NCOR2: variants seen among roughly 807,000 people sequenced by gnomAD.
NCOR2 encodes the protein nuclear receptor corepressor 2.
Under a neutral mutation model 262.9 loss-of-function variants are expected in NCOR2, and 81 were observed. That is an observed-to-expected ratio of 0.31 (90% confidence interval 0.26 to 0.37). The LOEUF is 0.37. NCOR2 is among the 10% of genes least tolerant of loss of function. The pLI, the probability that NCOR2 is intolerant of heterozygous loss-of-function variation, is 1.00. For synonymous variants in NCOR2, 1,659 were observed against 1,559.3 expected, an observed-to-expected ratio of 1.06 and a Z score of -1.51; for missense variants, 3,385 against 3,621.4, an observed-to-expected ratio of 0.93 and a Z score of 1.68.
chr12:124,516,306 C>T (rs1202910926), intron 1 of NCOR2, among the ~76,000 whole-genome samples: 1 of 152,186 alleles, frequency 6.6e-6, no homozygotes, highest in Non-Finnish European at 1.5e-5. Flanking sequence ...ACACCAGGCA[C>T]TGTGGGGGGT....
At chr12:124,364,681 T>C (rs1022672455) in intron 20 of NCOR2, among the ~76,000 whole-genome samples, 1 of 152,180 alleles carries the variant, frequency 6.6e-6, no homozygotes, top group African/African-American at 2.4e-5. Context: ...GCACCGGGTA[T>C]AGCACCTGCC....
intron 20 of NCOR2, among the ~76,000 whole-genome samples, chr12:124,369,343 G>C (rs1231162839): frequency 5.3e-5 from 8 of 152,230 alleles, no homozygotes; most frequent in African/African-American, 1.9e-4. Context: ...CTCTCCCAAA[G>C]TCACCGGGGC....
Position 124,325,464 on chromosome 12 carries a change from A to G in NCOR2, c.7483T>C (p.Trp2495Arg), listed in dbSNP as rs985828412. 1.8e-5 allele frequency: 23 copies of G among 1,294,594 alleles called. No homozygotes were observed. The East Asian group carries it at 7.3e-4, about 41-fold the overall frequency. The allele number at this position is 1,294,594 out of a possible 1,614,324, so 80.2% of individuals were successfully genotyped here. ...AGCAGTGGCTTGGGCTCCTCGTCCC[A>G]GGCGTGGTGGGGGCCAGCGAGGGGC... Residue 2495 changes from tryptophan (W) to arginine (R), a missense_variant, in exon 47 of 47, where the codon TGG (tryptophan) becomes CGG (arginine). By Grantham distance (101) the Trp-to-Arg change is moderately radical. Transcript: ENST00000405201.
intron 37 of NCOR2, among the ~76,000 whole-genome samples, chr12:124,338,197 G>A (rs1329983000): frequency 6.6e-6 from 1 of 152,218 alleles, no homozygotes; most frequent in Non-Finnish European, 1.5e-5. Context: ...CATTTTGGAG[G>A]AGTAAGTTGC....
intron 1 of NCOR2, chr12:124,514,183 AG>A (rs1311910562): frequency 2.6e-5 from 4 of 152,188 alleles, no homozygotes; most frequent in African/African-American, 9.7e-5. Context: ...AGCTGTCATG[AG>A]TGGGATTGGT....
intron 7 of NCOR2, among the ~76,000 whole-genome samples, chr12:124,445,256 G>A (rs2045069675): frequency 6.6e-6 from 1 of 152,190 alleles, no homozygotes; most frequent in Admixed American, 6.5e-5. Context: ...ATAGACTCCC[G>A]GGAATTCCTG....
chr12:124,440,330 T>C lies in NCOR2; in HGVS notation c.816-2334A>G, dbSNP rs2044736866. Among the ~76,000 whole-genome samples the C allele has an allele frequency of 6.6e-6, 1 of 152,140 alleles. No individual in the cohort carries two copies. The highest frequency in any genetic ancestry group is 1.5e-5 in the Non-Finnish European group (1 of 68,022). On this transcript the variant is annotated intron_variant, in intron 7 of 46. Coordinates refer to ENST00000405201, the Ensembl canonical transcript of NCOR2. This position sits in a 1 kb window ranked among gnomAD's most constrained non-coding sequence, Gnocchi z 5.7. ...GCTCTGACGGACGAGTGAAGCCTCA[T>C]GGGGCTCAAGGGCCTGGAATCCACC... is the stretch of plus-strand genomic sequence containing the variant.
rs917082025 is a variant in NCOR2 at position 124,482,568 on chromosome 12, T to C, written c.411+1028A>G. On this transcript the variant is annotated intron_variant, in intron 3 of 46. Transcript: ENST00000405201. This position sits in a 1 kb window ranked among gnomAD's most constrained non-coding sequence, Gnocchi z 6.3. ...CTACCCACATGACCAGGTGACACCCTGCCCACAAGGTCCCAGATCAGTGAG... is the reference window on the plus strand; with the variant it reads ...CTACCCACATGACCAGGTGACACCCCGCCCACAAGGTCCCAGATCAGTGAG... Among the ~76,000 whole-genome samples the C allele has an allele frequency of 6.6e-6, 1 of 152,172 alleles. No homozygotes were observed. Among genetic ancestry groups the C allele is most frequent in the Admixed American group, 6.5e-5 (1 of 15,284 alleles).
chr12:124,479,938 G>A (rs1258691146), intron 3 of NCOR2, among the ~76,000 whole-genome samples: 1 of 152,226 alleles, frequency 6.6e-6, no homozygotes, highest in East Asian at 1.9e-4. Context: ...CCTTGGGCTG[G>A]GAAGAGATCA....
rs904693912 is a variant in NCOR2 at position 124,517,396 on chromosome 12, A to C, written c.-118+18169T>G. Among the ~76,000 whole-genome samples the C allele has an allele frequency of 2.0e-5, 3 of 152,152 alleles. No homozygotes were observed. Among genetic ancestry groups the C allele is most frequent in the African/African-American group, 7.2e-5 (3 of 41,434 alleles). ...CTAAAGGCTCCTTGTGAGCTCGGGA[A>C]GCCCTTCCAACTTTCCAGTGTTTAT... On this transcript the variant is annotated intron_variant, in intron 1 of 46. Coordinates refer to the NCOR2 transcript ENST00000404621. This position sits in a 1 kb window ranked among gnomAD's most constrained non-coding sequence, Gnocchi z 7.6.
At position 124,503,825 on chromosome 12, in the gene NCOR2, T is replaced by C. The variant is rs1593868715; in HGVS notation, c.-117-8457A>G. Reference sequence around the variant, plus strand: ...ATCACCAGATGGGTATCAACTTAGCTGCTTCATTTTCCGGGTTTTTCTGGT... The same window carrying C: ...ATCACCAGATGGGTATCAACTTAGCCGCTTCATTTTCCGGGTTTTTCTGGT... On this transcript the variant is annotated intron_variant, in intron 1 of 46. Transcript: ENST00000404621. The surrounding 1 kb of genome is among the most constrained non-coding windows in gnomAD (Gnocchi z 4.3). 1.3e-5 allele frequency among the ~76,000 whole-genome samples: 2 copies of C among 152,308 alleles called. No individual in the cohort carries two copies. The highest frequency in any genetic ancestry group is 1.3e-4 in the Admixed American group (2 of 15,298).
rs1593667194 is a variant in NCOR2 at position 124,466,092 on chromosome 12, T to C, written c.705+81A>G. The stretch of plus-strand genomic sequence containing the variant: ...CCCCTCCCCACATAGATGGAAACAC[T>C]GAGGCCTGATTCATGGTGCCCCCTG... On this transcript the variant is annotated intron_variant, in intron 5 of 46. Coordinates refer to ENST00000405201, the Ensembl canonical transcript of NCOR2. The C allele has an allele frequency of 1.5e-5, 20 of 1,330,728 alleles. No individual in the cohort carries two copies. The East Asian group carries it at 4.9e-4, about 33-fold the overall frequency. The allele number at this position is 1,330,728 out of a possible 1,614,324, so 82.4% of individuals were successfully genotyped here. A position where few individuals can be genotyped will look rare whatever the true frequency, so the allele number is the denominator to read the frequency against.
intron 30 of NCOR2, chr12:124,347,617 G>T: frequency 1.7e-6 from 1 of 583,786 alleles, no homozygotes; most frequent in Non-Finnish European, 3.1e-6. Flanking sequence ...GGTGATCGGT[G>T]GTATTTTGCT....
intron 43 of NCOR2, chr12:124,331,922 T>G (rs558528421): frequency 2.4e-5 from 5 of 211,118 alleles, no homozygotes; most frequent in Non-Finnish European, 4.9e-5. Flanking sequence ...GGCGCTGTGC[T>G]AGGGACTGGG....
rs572155499 is a variant in NCOR2 at position 124,533,008 on chromosome 12, C to T, written c.-118+2557G>A. On this transcript the variant is annotated intron_variant, in intron 1 of 46. Transcript: ENST00000404621. ...TCCTCTTTCCCCCACCTCCAAATCG[C>T]ACTTCTCCTTCCCCTCCTCCCTCCA... 1.4e-3 allele frequency among the ~76,000 whole-genome samples: 71 copies of T among 51,838 alleles called. 4 individuals carry two copies. The highest frequency in any genetic ancestry group is 3.8e-3 in the African/African-American group (67 of 17,654). 34.0% of individuals were successfully genotyped at this position (51,838 alleles called of 152,430 possible).
chr12:124,351,914 C>G (rs1332844646), intron 27 of NCOR2, among the ~76,000 whole-genome samples: 1 of 152,208 alleles, frequency 6.6e-6, no homozygotes, highest in Non-Finnish European at 1.5e-5. Context: ...AGCTCTGAGT[C>G]TCTGGCTGGA....
intron 40 of NCOR2, 97 bp downstream of exon 42, chr12:124,335,038 G>T (rs528655920): frequency 6.3e-7 from 1 of 1,581,012 alleles, no homozygotes; most frequent in Non-Finnish European, 8.7e-7. Context: ...CAGCCACCCC[G>T]CCAGGACAGA....
chr12:124,395,801 G>T (rs1165948165), intron 16 of NCOR2, among the ~76,000 whole-genome samples: 1 of 152,146 alleles, frequency 6.6e-6, no homozygotes, highest in East Asian at 1.9e-4. Context: ...GGATGTCCAC[G>T]CGGAGTCCTC....
chr12:124,532,270 A>G (rs1594008631), intron 1 of NCOR2, among the ~76,000 whole-genome samples: 1 of 144,664 alleles, frequency 6.9e-6, no homozygotes. Flanking sequence ...TGCACCCCCC[A>G]CCCACCCTCT....
Sources: gnomAD v4.1 joint callset for allele counts (sites outside exome capture counted in the v4.1 genomes callset) on GRCh38, gnomAD v4.1.1 for gene constraint, Gnocchi (gnomAD v3.1) non-coding constraint, MANE v1.5 for transcripts, NCBI Gene and HGNC (gene_info 2026-07-23, HGNC 2026-07-21) for gene names.